Variants in ATP2B1 observed in about 807,000 individuals in gnomAD.
The protein encoded by ATP2B1 is ATPase plasma membrane Ca2+ transporting 1.
ATP2B1 carries 14 observed loss-of-function variants against 124.2 expected under a neutral mutation model. The ratio of observed to expected loss-of-function variants is 0.11; its 90% CI spans 0.07 to 0.18. The LOEUF (loss-of-function observed/expected upper bound fraction) is 0.18. ATP2B1 is among the 10% of genes least tolerant of loss of function. ATP2B1 has a pLI of 1.00. For synonymous variants in ATP2B1, 449 were observed against 492.4 expected (o/e 0.91, Z 1.17); for missense variants, 763 against 1,466.1 (o/e 0.52, Z 7.83).
intron 1 of ATP2B1, among the ~76,000 whole-genome samples, chr12:89,658,990 T>G (rs1886344109): frequency 6.6e-6 from 1 of 152,190 alleles, no homozygotes; most frequent in Non-Finnish European, 1.5e-5. Context: ...CCATAGCTCC[T>G]TTTACTATTT....
intron 12 of ATP2B1, among the ~76,000 whole-genome samples, chr12:89,615,927 C>A (rs2136042846): frequency 8.9e-6 from 1 of 111,956 alleles, no homozygotes; most frequent in Admixed American, 1.1e-4. Flanking sequence ...AATATGCATA[C>A]CTCATAAAGG....
At chr12:89,707,584 C>T in intron 1 of ATP2B1, among the ~76,000 whole-genome samples, 1 of 152,156 alleles carries the variant, frequency 6.6e-6, no homozygotes, top group Non-Finnish European at 1.5e-5. Flanking sequence ...AGCGCTCTAA[C>T]CCAAAGAAAA....
At chr12:89,700,188 A>G (rs1806203011) in intron 1 of ATP2B1, among the ~76,000 whole-genome samples, 1 of 152,014 alleles carries the variant, frequency 6.6e-6, no homozygotes, top group African/African-American at 2.4e-5. Flanking sequence ...CCCTAAATCC[A>G]CTGTGCATGC....
intron 11 of ATP2B1, 106 bp downstream of exon 11, chr12:89,619,893 T>G: frequency 7.0e-7 from 1 of 1,437,048 alleles, no homozygotes; most frequent in Non-Finnish European, 9.4e-7. Context: ...TGAGGTCCTA[T>G]CAAATGCCTG....
At chr12:89,660,810 C>G (rs1459294277) in intron 1 of ATP2B1, among the ~76,000 whole-genome samples, 1 of 152,152 alleles carries the variant, frequency 6.6e-6, no homozygotes, top group African/African-American at 2.4e-5. Flanking sequence ...TCTCCCACCC[C>G]AGATGAGGAA....
rs1592943735 is a variant in ATP2B1, at chr12:89,675,635, T to C, written c.-221-19528A>G. Among the ~76,000 whole-genome samples, 5 of 152,268 alleles carry C rather than the reference T, an allele frequency of 3.3e-5. 1 individual carries two copies. The South Asian group carries it at 1.0e-3, about 32-fold the overall frequency. The stretch of plus-strand genomic sequence containing the variant: ...ACCCTCTCCATATATATTGCTGTCA[T>C]ATAACTTACAATTGAAGCAATGAAG... On this transcript the variant is annotated intron_variant, in intron 1 of 20. Transcript: ENST00000428670.
intron 6 of ATP2B1, among the ~76,000 whole-genome samples, chr12:89,628,961 C>T (rs894513689): frequency 1.3e-5 from 2 of 151,208 alleles, no homozygotes; most frequent in Admixed American, 6.6e-5. Flanking sequence ...TGGAGGCCCA[C>T]AGAAGAAAAA....
Position 89,683,607 on chromosome 12 carries a change from C to T in ATP2B1, c.-222+24989G>A, listed in dbSNP as rs183483433. On this transcript the variant is annotated intron_variant, in intron 1 of 20. Transcript: ENST00000428670. Reference sequence around the variant, plus strand: ...GCCCGTAACTATTCTATCCAGCCCCCGGTCATTTGAGATTTTCCCATGAAA... The same window carrying T: ...GCCCGTAACTATTCTATCCAGCCCCTGGTCATTTGAGATTTTCCCATGAAA... 4.3e-3 allele frequency among the ~76,000 whole-genome samples: 654 copies of T among 152,272 alleles called. 5 individuals carry two copies. Among genetic ancestry groups the T allele is most frequent in the Non-Finnish European group, 7.0e-3 (477 of 68,014 alleles).
chr12:89,646,679 A>G lies in ATP2B1; in HGVS notation c.209-4324T>C, dbSNP rs1321160253. 2.0e-5 allele frequency among the ~76,000 whole-genome samples: 3 copies of G among 152,226 alleles called. No homozygotes were observed. The East Asian group carries it at 5.8e-4, about 29-fold the overall frequency. On this transcript the variant is annotated intron_variant, in intron 2 of 20. Coordinates refer to ENST00000428670, the MANE Select transcript of ATP2B1 (RefSeq NM_001366521.1). ...GACCTTGTAAGGAATATTCCAGTGC[A>G]ACGGTGTGGAAGAAAGTCTGATTAG...
At chr12:89,650,904 A>T (rs534593696) in intron 2 of ATP2B1, among the ~76,000 whole-genome samples, 8 of 152,284 alleles carry the variant, frequency 5.3e-5, no homozygotes, top group African/African-American at 1.9e-4. Context: ...AACAACAAAG[A>T]TACAGAAGAA....
rs1026592233 is a variant in ATP2B1, at chr12:89,627,703, A to G, written c.942T>C (p.Asp314=). Residue 314 remains aspartate, a synonymous_variant, in exon 7 of 21, where the codon GAT becomes GAC. Coordinates refer to ENST00000428670, the MANE Select transcript of ATP2B1 (RefSeq NM_001366521.1). ...CTTTGTTGCGATTCTCAATAGCTCC[A>G]TCTTGTTTCTTATCTGTAGGAACAA... ...KKKEKKNKKQ[D]GAIENRNKAK... 6.2e-7 allele frequency: 1 copy of G among 1,613,952 alleles called. No individual in the cohort carries two copies.
chr12:89,618,981 AT>A (rs948429221), intron 11 of ATP2B1, among the ~76,000 whole-genome samples: 8 of 151,500 alleles, frequency 5.3e-5, no homozygotes, highest in East Asian at 1.9e-4. Context: ...CTTAACCAGT[AT>A]TTTTTTTTAA....
At chr12:89,627,857 T>C (rs1881144838) in intron 6 of ATP2B1, 141 bp from the exon 7 acceptor site, 1 of 889,110 alleles carries the variant, frequency 1.1e-6, no homozygotes. Context: ...ATTTGACTTG[T>C]GATGACCTGC....
intron 1 of ATP2B1, among the ~76,000 whole-genome samples, chr12:89,677,971 T>TATATATATATATATATATACACACAC (rs1461216851): frequency 7.6e-5 from 4 of 52,322 alleles, no homozygotes; most frequent in Non-Finnish European, 1.2e-4. Context: ...TATATATATA[T>TATATATATATATATATATACACACAC]ACACACACAC....
chr12:89,696,507 TAC>T lies in ATP2B1; in HGVS notation c.-222+12087_-222+12088del, dbSNP rs1401391220. ...AAAATTTAATGACATGAGAAAATAA[TAC>T]AAAGTTTCTAAAAAGCACATAATTA... On this transcript the variant is annotated intron_variant, in intron 1 of 20. Coordinates refer to ENST00000428670, the MANE Select transcript of ATP2B1 (RefSeq NM_001366521.1). 3.2e-4 allele frequency among the ~76,000 whole-genome samples: 20 copies of T among 62,730 alleles called. No homozygotes were observed. In the Admixed American group the frequency reaches 3.8e-3, roughly 12 times the overall value. The allele number at this position is 62,730 out of a possible 152,430, so 41.2% of individuals were successfully genotyped here.
At chr12:89,646,843 A>T (rs73196686) in intron 2 of ATP2B1, among the ~76,000 whole-genome samples, 21,511 of 151,660 alleles carry the variant, frequency 0.14, 1,870 homozygotes, top group Non-Finnish European at 0.2. Context: ...TTTTTTTTTT[A>T]AAAGTAGGTG....
chr12:89,611,070 T>C (rs1001998388), intron 13 of ATP2B1, 123 bp downstream of exon 13: 44 of 880,506 alleles, frequency 5.0e-5, no homozygotes, highest in African/African-American at 1.0e-4. Flanking sequence ...TCCTAAGGTA[T>C]AGACTGCATT....
intron 3 of ATP2B1, among the ~76,000 whole-genome samples, chr12:89,635,459 G>GAGGCA (rs1882551414): frequency 6.6e-6 from 1 of 152,088 alleles, no homozygotes; most frequent in Non-Finnish European, 1.5e-5. Context: ...TCAGTAGAGG[G>GAGGCA]AGGCAGTCTA....
intron 20 of ATP2B1, among the ~76,000 whole-genome samples, chr12:89,592,387 C>T (rs76204883): frequency 0.011 from 1,707 of 152,040 alleles, 26 homozygotes; most frequent in African/African-American, 0.038. Context: ...AAAAAAGATG[C>T]GGTCACCAAA....
Sources: gnomAD v4.1 joint callset for allele counts (sites outside exome capture counted in the v4.1 genomes callset) on GRCh38, gnomAD v4.1.1 for gene constraint, MANE v1.5 for transcripts, NCBI Gene and HGNC (gene_info 2026-07-23, HGNC 2026-07-21) for gene names.